Variants in ASIC2 observed in about 807,000 individuals in gnomAD.
The protein encoded by ASIC2 is acid sensing ion channel subunit 2.
A neutral mutation model predicts 57.3 loss-of-function variants in ASIC2; 25 were observed. The ratio of observed to expected loss-of-function variants is 0.44; its 90% CI spans 0.32 to 0.61. ASIC2 has a LOEUF of 0.61. Ranked by LOEUF, ASIC2 falls within the 20% of genes least tolerant of loss-of-function variation. The pLI is 0.06. For synonymous variants in ASIC2, 319 were observed against 307.5 expected, an observed-to-expected ratio of 1.04 and a Z score of -0.39; for missense variants, 641 against 738.1, an observed-to-expected ratio of 0.87 and a Z score of 1.52.
intron 1 of ASIC2, among the ~76,000 whole-genome samples, chr17:34,099,249 G>A (rs1294254672): frequency 2.1e-5 from 3 of 139,948 alleles, no homozygotes; most frequent in Non-Finnish European, 3.1e-5. Flanking sequence ...GAGAAAGGAA[G>A]GAAGGAGGGA....
chr17:33,324,012 A>G (rs911959432), intron 1 of ASIC2, among the ~76,000 whole-genome samples: 1 of 151,732 alleles, frequency 6.6e-6, no homozygotes, highest in Non-Finnish European at 1.5e-5. Flanking sequence ...CAGCAATCAA[A>G]AGTCAAAAAC....
chr17:33,162,802 T>A (rs1325561272), intron 1 of ASIC2, among the ~76,000 whole-genome samples: 1 of 152,208 alleles, frequency 6.6e-6, no homozygotes, highest in Non-Finnish European at 1.5e-5. Context: ...CTCCTGTTTC[T>A]CTTCCTTCCT....
intron 1 of ASIC2, among the ~76,000 whole-genome samples, chr17:33,553,696 G>C (rs1172601056): frequency 2.0e-5 from 3 of 152,050 alleles, no homozygotes; most frequent in Non-Finnish European, 2.9e-5. Context: ...GCCAGGCATG[G>C]TACTATGTGC....
chr17:34,124,695 TC>T (rs1911724250), intron 1 of ASIC2, among the ~76,000 whole-genome samples: 1 of 152,160 alleles, frequency 6.6e-6, no homozygotes, highest in African/African-American at 2.4e-5. Flanking sequence ...GTCAGGCTCT[TC>T]TTGGGGGCCC....
rs1401287781 is a variant in ASIC2 at position 33,291,395 on chromosome 17, G to A, written c.708+13C>T. The A allele has an allele frequency of 5.7e-6, 9 of 1,587,432 alleles. No homozygotes were observed. In the Admixed American group the frequency reaches 1.4e-4, roughly 24 times the overall value. On this transcript the variant is annotated intron_variant, in intron 1 of 9. Coordinates refer to ENST00000225823, the MANE Select transcript of ASIC2 (RefSeq NM_183377.2). ...GGCGCAGAGGGAGCGGGTTCGCGCG[G>A]AGGGCAACTCACGGAGGAGAAGTTG...
rs552861446 is a variant in ASIC2, at chr17:33,872,879, C to A, written c.555+283099G>T. Reference sequence around the variant, plus strand: ...GGCAGCACTGGTAACCAATACCTGGCCCACGCATGGGCACCAGCAAATAGT... The same window carrying A: ...GGCAGCACTGGTAACCAATACCTGGACCACGCATGGGCACCAGCAAATAGT... On this transcript the variant is annotated intron_variant, in intron 1 of 9. Transcript: ENST00000359872. Among the ~76,000 whole-genome samples, 5 of 152,214 alleles carry A rather than the reference C, an allele frequency of 3.3e-5. No homozygotes were observed. The East Asian group carries it at 7.7e-4, about 24-fold the overall frequency.
intron 3 of ASIC2, among the ~76,000 whole-genome samples, chr17:33,044,845 G>A (rs1471777468): frequency 6.6e-6 from 1 of 152,198 alleles, no homozygotes; most frequent in Non-Finnish European, 1.5e-5. Flanking sequence ...ACTGAGGAGG[G>A]CATGGTCCAA....
intron 1 of ASIC2, among the ~76,000 whole-genome samples, chr17:33,891,854 A>T (rs1186771825): frequency 6.6e-6 from 1 of 152,196 alleles, no homozygotes; most frequent in Non-Finnish European, 1.5e-5. Context: ...CAAACAAATT[A>T]CAACTTCTTT....
intron 1 of ASIC2, among the ~76,000 whole-genome samples, chr17:33,324,938 G>A (rs1271346254): frequency 3.3e-5 from 5 of 152,204 alleles, no homozygotes; most frequent in Non-Finnish European, 5.9e-5. Flanking sequence ...GTCCCTGACA[G>A]TCTGGGATTC....
intron 1 of ASIC2, among the ~76,000 whole-genome samples, chr17:34,040,119 CGCGGCCCCGGGCCCGG>C (rs1218916422): frequency 8.8e-6 from 1 of 114,008 alleles, no homozygotes; most frequent in Non-Finnish European, 1.7e-5. Context: ...AGGCGCCCGA[CGCGGCCCCGGGCCCGG>C]GCGGCCACGG....
chr17:33,672,928 A>G (rs1274084952), intron 1 of ASIC2, among the ~76,000 whole-genome samples: 1 of 152,210 alleles, frequency 6.6e-6, no homozygotes, highest in Non-Finnish European at 1.5e-5. Context: ...TCAATATCAT[A>G]GGTTTGTGAA....
chr17:33,950,819 C>G (rs1056408633), intron 1 of ASIC2, among the ~76,000 whole-genome samples: 2 of 152,216 alleles, frequency 1.3e-5, no homozygotes, highest in Non-Finnish European at 2.9e-5. Context: ...CTTTTAAGCA[C>G]CATCCCTGTT....
At chr17:33,493,641 C>T (rs1011667376) in intron 1 of ASIC2, among the ~76,000 whole-genome samples, 10 of 152,224 alleles carry the variant, frequency 6.6e-5, no homozygotes, top group Non-Finnish European at 8.8e-5. Context: ...CTAGGACTAG[C>T]GCTCTGTTAA....
intron 1 of ASIC2, among the ~76,000 whole-genome samples, chr17:33,728,754 T>C (rs1909642347): frequency 6.6e-6 from 1 of 151,718 alleles, no homozygotes; most frequent in Non-Finnish European, 1.5e-5. Flanking sequence ...GTTGTCAGAG[T>C]AGATTGAGTT....
chr17:33,260,803 G>A (rs1466280587), intron 1 of ASIC2, among the ~76,000 whole-genome samples: 5 of 152,136 alleles, frequency 3.3e-5, no homozygotes, highest in Admixed American at 1.3e-4. Context: ...CTTGCTGACT[G>A]GCTCCTCACA....
intron 1 of ASIC2, among the ~76,000 whole-genome samples, chr17:34,083,631 C>T (rs967799150): frequency 6.6e-6 from 1 of 152,148 alleles, no homozygotes; most frequent in Non-Finnish European, 1.5e-5. Context: ...AGTTTACAGT[C>T]CCACCAACAG....
At chr17:33,854,140 G>T (rs932841355) in intron 1 of ASIC2, among the ~76,000 whole-genome samples, 1 of 152,182 alleles carries the variant, frequency 6.6e-6, no homozygotes, top group Non-Finnish European at 1.5e-5. Flanking sequence ...TGGGAAATGG[G>T]GTAAGGAGGA....
At chr17:33,759,021 G>A (rs1354605889) in intron 1 of ASIC2, among the ~76,000 whole-genome samples, 1 of 152,070 alleles carries the variant, frequency 6.6e-6, no homozygotes, top group Non-Finnish European at 1.5e-5. Context: ...GGAAGAGCAG[G>A]CTAGAAAAAG....
At chr17:33,860,657 C>T (rs944043508) in intron 1 of ASIC2, among the ~76,000 whole-genome samples, 2 of 152,304 alleles carry the variant, frequency 1.3e-5, no homozygotes, top group African/African-American at 2.4e-5. Flanking sequence ...GTAGCTGAGC[C>T]TTCCAGGACT....
Sources: allele counts gnomAD v4.1 joint callset (sites outside exome capture counted in the v4.1 genomes callset), GRCh38; gene constraint gnomAD v4.1.1; transcripts MANE v1.5; gene names NCBI Gene and HGNC (gene_info 2026-07-23, HGNC 2026-07-21).